Variants in PLA2G4A observed in about 807,000 individuals in gnomAD.
PLA2G4A encodes the protein phospholipase A2 group IVA, also known as cytosolic phospholipase A2.
PLA2G4A carries 40 observed loss-of-function variants against 81.9 expected under a neutral mutation model. That is an observed-to-expected ratio of 0.49 (90% CI 0.38 to 0.64). The LOEUF is 0.64. PLA2G4A is among the 30% of genes least tolerant of loss of function. PLA2G4A has a pLI of 0.00. For missense variants in PLA2G4A, 715 were observed against 905.1 expected, an observed-to-expected ratio of 0.79 and a Z score of 2.69; for synonymous variants, 302 against 296.9, an observed-to-expected ratio of 1.02 and a Z score of -0.18.
At chr1:186,878,564 C>G (rs898613203) in intron 3 of PLA2G4A, among the ~76,000 whole-genome samples, 1 of 151,704 alleles carries the variant, frequency 6.6e-6, no homozygotes, top group Non-Finnish European at 1.5e-5. Flanking sequence ...GCATGTCTCT[C>G]TCACATCTCT....
rs142407728 is a variant in PLA2G4A, at chr1:186,987,627, A to G, written c.2119-750A>G. Among the ~76,000 whole-genome samples, 275 of 152,312 alleles carry G rather than the reference A, an allele frequency of 1.8e-3. 2 individuals carry two copies. Among genetic ancestry groups the G allele is most frequent in the African/African-American group, 6.1e-3 (252 of 41,572 alleles). Reference sequence around the variant, plus strand: ...CAAAGCCCATTTCCACTGCTCTTCAATAACTGCATCTACCAAATTCTGAAT... The same window carrying G: ...CAAAGCCCATTTCCACTGCTCTTCAGTAACTGCATCTACCAAATTCTGAAT... On this transcript the variant is annotated intron_variant, in intron 17 of 17. Transcript: ENST00000367466.
At chr1:186,836,881 A>G (rs879703569) in intron 1 of PLA2G4A, among the ~76,000 whole-genome samples, 2 of 152,216 alleles carry the variant, frequency 1.3e-5, no homozygotes, top group Non-Finnish European at 2.9e-5. Context: ...GATAGAGAAT[A>G]ACATGCAAAG....
intron 1 of PLA2G4A, among the ~76,000 whole-genome samples, chr1:186,842,457 T>C (rs12065442): frequency 2.1e-3 from 326 of 152,276 alleles, no homozygotes; most frequent in African/African-American, 7.6e-3. Context: ...CTGCTGTGTT[T>C]ATGTCATTAA....
intron 3 of PLA2G4A, 89 bp downstream of exon 3, chr1:186,870,605 C>T: frequency 1.7e-6 from 2 of 1,163,690 alleles, no homozygotes; most frequent in South Asian, 2.5e-5. Flanking sequence ...GGAGGTTCTG[C>T]CTTCTTCAAA....
chr1:186,879,495 T>C (rs1019711281), intron 3 of PLA2G4A, among the ~76,000 whole-genome samples: 3 of 151,942 alleles, frequency 2.0e-5, no homozygotes, highest in Non-Finnish European at 4.4e-5. Context: ...CATTGTTTAG[T>C]GGTTTAAACA....
intron 8 of PLA2G4A, among the ~76,000 whole-genome samples, chr1:186,934,384 C>T (rs189425468): frequency 4.0e-5 from 6 of 148,344 alleles, no homozygotes; most frequent in Non-Finnish European, 8.9e-5. Context: ...TATCTTCTCA[C>T]ATTCCCCTGT....
rs12720692 is a variant in PLA2G4A, at chr1:186,979,719, G to A, written c.2118+247G>A. ...TTGGTTAATACTCAGTTTCTTTCCC[G>A]AAGTATCTATGTATTTATTATATGA... is the stretch of plus-strand genomic sequence containing the variant. On this transcript the variant is annotated intron_variant, in intron 17 of 17. Coordinates refer to ENST00000367466, the MANE Select transcript of PLA2G4A (RefSeq NM_024420.3). 7.6e-3 allele frequency among the ~76,000 whole-genome samples: 1,159 copies of A among 151,884 alleles called. 8 individuals carry two copies. The highest frequency in any genetic ancestry group is 0.017 in the Middle Eastern group (5 of 294).
At chr1:186,856,415 A>G (rs1652555284) in intron 2 of PLA2G4A, among the ~76,000 whole-genome samples, 1 of 143,674 alleles carries the variant, frequency 7.0e-6, no homozygotes. Context: ...TTTGAGATGG[A>G]GTCTCACTCT....
At chr1:186,956,523 T>C (rs972538987) in intron 14 of PLA2G4A, among the ~76,000 whole-genome samples, 179 bp downstream of exon 14, 9 of 152,122 alleles carry the variant, frequency 5.9e-5, no homozygotes, top group African/African-American at 2.2e-4. Context: ...GTTTGTTTGT[T>C]TGTATTTTTG....
intron 5 of PLA2G4A, among the ~76,000 whole-genome samples, chr1:186,895,003 T>C (rs1216562794): frequency 1.3e-5 from 2 of 152,168 alleles, no homozygotes; most frequent in African/African-American, 4.8e-5. Flanking sequence ...TCCAAGTCCC[T>C]ACATTCACCT....
At chr1:186,972,447 A>C (rs1024924374) in intron 15 of PLA2G4A, among the ~76,000 whole-genome samples, 10 of 152,112 alleles carry the variant, frequency 6.6e-5, no homozygotes, top group Non-Finnish European at 1.0e-4. Context: ...TTTAGGGGAA[A>C]ATGAAGGGAC....
rs902012975 is a variant in PLA2G4A, at chr1:186,964,298, AT to A, written c.1580-1107del. 7.4e-4 allele frequency among the ~76,000 whole-genome samples: 112 copies of A among 152,278 alleles called. 2 individuals carry two copies. Among genetic ancestry groups the A allele is most frequent in the African/African-American group, 2.6e-3 (110 of 41,542 alleles). On this transcript the variant is annotated intron_variant, in intron 14 of 17. Coordinates refer to ENST00000367466, the MANE Select transcript of PLA2G4A (RefSeq NM_024420.3). ...ACCAGTTCAATTCTGGTCATGTTTT[AT>A]TTTCCTGGCAAGTGAATTAGGAGCA...
At position 186,951,756 on chromosome 1, in the gene PLA2G4A, C is replaced by G. The variant is rs12720646; in HGVS notation, c.1336+1028C>G. 8.1e-4 allele frequency among the ~76,000 whole-genome samples: 123 copies of G among 152,248 alleles called. 2 individuals are homozygous for G. The highest frequency in any genetic ancestry group is 2.8e-3 in the African/African-American group (116 of 41,540). ...AAGCTGCCTTCTCTGGAGAATGTAG[C>G]TGCACAGGGCCATGGCTTGGCTAGT... On this transcript the variant is annotated intron_variant, in intron 13 of 17. Transcript: ENST00000367466.
At chr1:186,963,376 T>C (rs947348349) in intron 14 of PLA2G4A, among the ~76,000 whole-genome samples, 5 of 152,218 alleles carry the variant, frequency 3.3e-5, no homozygotes, top group Middle Eastern at 3.2e-3. Flanking sequence ...GTATTTTGGC[T>C]GATGGCAAAG....
intron 3 of PLA2G4A, among the ~76,000 whole-genome samples, chr1:186,872,386 T>A (rs1299700795): frequency 6.6e-6 from 1 of 152,132 alleles, no homozygotes; most frequent in Non-Finnish European, 1.5e-5. Flanking sequence ...CCACGCTGTG[T>A]GTTGGAAAAG....
chr1:186,829,058 A>C (rs551681182), intron 1 of PLA2G4A, 23 bp downstream of exon 1: 6 of 152,162 alleles, frequency 3.9e-5, no homozygotes, highest in African/African-American at 1.4e-4. Context: ...ACTGTAAGCA[A>C]TATATTTATT....
chr1:186,845,390 T>A (rs1411850360), intron 1 of PLA2G4A, among the ~76,000 whole-genome samples: 2 of 152,090 alleles, frequency 1.3e-5, no homozygotes, highest in East Asian at 3.9e-4. Flanking sequence ...ATTTTCTTAT[T>A]TCATCCTCCC....
intron 5 of PLA2G4A, among the ~76,000 whole-genome samples, chr1:186,897,384 C>A (rs535937483): frequency 2.6e-5 from 4 of 152,170 alleles, no homozygotes; most frequent in Admixed American, 6.6e-5. Context: ...TCCTTTCTTT[C>A]TGAGTCTTAT....
At chr1:186,914,500 TC>T (rs1167103331) in intron 7 of PLA2G4A, among the ~76,000 whole-genome samples, 1 of 149,752 alleles carries the variant, frequency 6.7e-6, no homozygotes, top group Non-Finnish European at 1.5e-5. Context: ...GTAATTCCTA[TC>T]CCTTTTAAGG....
Sources: gnomAD v4.1 joint callset for allele counts (sites outside exome capture counted in the v4.1 genomes callset) on GRCh38, gnomAD v4.1.1 for gene constraint, MANE v1.5 for transcripts, NCBI Gene and HGNC (gene_info 2026-07-23, HGNC 2026-07-21) for gene names.